CALCRL: variants seen among roughly 807,000 people sequenced by gnomAD.
CALCRL encodes calcitonin gene-related peptide type 1 receptor.
In CALCRL, 27 loss-of-function variants were observed where a neutral mutation model predicts 60.4. The observed-to-expected ratio is 0.45, with a 90% confidence interval of 0.33 to 0.62. CALCRL has a LOEUF of 0.62. Ranked by LOEUF, CALCRL falls within the 20% of genes least tolerant of loss-of-function variation. The pLI is 0.03. For missense variants in CALCRL, 424 were observed against 540.7 expected (o/e 0.78, Z 2.14); for synonymous variants, 190 against 182.6 (o/e 1.04, Z -0.33).
chr2:187,370,320 C>A (rs899414893), intron 8 of CALCRL, among the ~76,000 whole-genome samples: 1 of 151,704 alleles, frequency 6.6e-6, no homozygotes, highest in Non-Finnish European at 1.5e-5. Flanking sequence ...TAATGGAAAA[C>A]CTGATTGTAA....
chr2:187,389,197 C>T (rs1688331226), intron 1 of CALCRL, among the ~76,000 whole-genome samples: 1 of 151,520 alleles, frequency 6.6e-6, no homozygotes, highest in Non-Finnish European at 1.5e-5. Flanking sequence ...CTCAGTCTCT[C>T]GAATAACTGG....
chr2:187,374,605 T>C (rs1260512965), intron 8 of CALCRL, among the ~76,000 whole-genome samples: 1 of 152,158 alleles, frequency 6.6e-6, no homozygotes, highest in Non-Finnish European at 1.5e-5. Context: ...CCTTTCTCAG[T>C]GTTCCCCAGG....
At chr2:187,378,055 CAAG>C (rs1445711894) in intron 8 of CALCRL, among the ~76,000 whole-genome samples, 3 of 144,436 alleles carry the variant, frequency 2.1e-5, no homozygotes, top group Admixed American at 7.0e-5. Flanking sequence ...AAAAGAAGAA[CAAG>C]AAGAAGGAGA....
At chr2:187,433,033 T>A (rs768630276) in intron 1 of CALCRL, among the ~76,000 whole-genome samples, 13 of 152,096 alleles carry the variant, frequency 8.5e-5, no homozygotes, top group African/African-American at 1.2e-4. Flanking sequence ...CAAACTTGCC[T>A]AATGACACAT....
chr2:187,367,827 TTTTTA>T (rs1687361754), intron 8 of CALCRL, among the ~76,000 whole-genome samples: 1 of 152,088 alleles, frequency 6.6e-6, no homozygotes, highest in Non-Finnish European at 1.5e-5. Context: ...TATTTCATAT[TTTTTA>T]CATATAATTA....
chr2:187,400,175 A>G (rs1287434930), intron 1 of CALCRL, among the ~76,000 whole-genome samples: 1 of 151,514 alleles, frequency 6.6e-6, no homozygotes, highest in Non-Finnish European at 1.5e-5. Flanking sequence ...TACACATTGT[A>G]TGTATTGAAA....
intron 1 of CALCRL, among the ~76,000 whole-genome samples, chr2:187,420,716 T>C (rs1000156592): frequency 6.6e-6 from 1 of 152,144 alleles, no homozygotes; most frequent in Admixed American, 6.5e-5. Context: ...AGAGTAGAGG[T>C]GTAGGGAACA....
chr2:187,404,955 G>A (rs888849312), intron 1 of CALCRL, among the ~76,000 whole-genome samples: 2 of 151,904 alleles, frequency 1.3e-5, no homozygotes, highest in Non-Finnish European at 1.5e-5. Context: ...GGTTTCACAC[G>A]GAGCGACTCT....
chr2:187,417,975 C>T (rs1689691360), intron 1 of CALCRL, among the ~76,000 whole-genome samples: 1 of 152,164 alleles, frequency 6.6e-6, no homozygotes, highest in Non-Finnish European at 1.5e-5. Flanking sequence ...ATATCGCCTA[C>T]ATTTTCATTA....
intron 8 of CALCRL, among the ~76,000 whole-genome samples, chr2:187,375,915 A>C (rs898634323): frequency 1.1e-4 from 17 of 152,340 alleles, no homozygotes; most frequent in Admixed American, 1.0e-3. Context: ...TACAGATATA[A>C]AAATATTGAA....
intron 1 of CALCRL, among the ~76,000 whole-genome samples, chr2:187,414,821 C>T (rs1369276478): frequency 6.6e-6 from 1 of 151,846 alleles, no homozygotes; most frequent in African/African-American, 2.4e-5. Context: ...CACATCATCC[C>T]AAATTTACTA....
intron 1 of CALCRL, among the ~76,000 whole-genome samples, chr2:187,425,664 C>T (rs930700284): frequency 4.6e-5 from 7 of 151,856 alleles, no homozygotes; most frequent in African/African-American, 1.2e-4. Flanking sequence ...TATTGATAAA[C>T]GTATTTTAAG....
intron 1 of CALCRL, among the ~76,000 whole-genome samples, chr2:187,394,528 A>T (rs1402368656): frequency 1.3e-5 from 2 of 152,076 alleles, no homozygotes; most frequent in Non-Finnish European, 2.9e-5. Flanking sequence ...ATCAAACCAA[A>T]GTAGTAACTC....
At position 187,378,987 on chromosome 2, in the gene CALCRL, C is replaced by A; in HGVS notation, c.453G>T (p.Leu151Phe). 1 of 1,608,080 alleles carries A rather than the reference C, an allele frequency of 6.2e-7. No individual in the cohort carries two copies. The highest frequency in any genetic ancestry group is 2.2e-5 in the East Asian group (1 of 44,720). The change falls in exon 8 of 15, where the codon TTG becomes TTT. Residue 151 changes from leucine (L) to phenylalanine (F), a missense_variant. Physicochemically the swap from Leu to Phe is conservative, Grantham distance 22. Coordinates refer to ENST00000392370, the MANE Select transcript of CALCRL (RefSeq NM_005795.6). ...LFYLTIIGHGLSIASLLISLG... is the reference protein window; with the variant it reads ...LFYLTIIGHGFSIASLLISLG... ...GCGAGATAAGCAGTGATGCAATAGA[C>A]AATCCGTGTCCAATTATGGTCAGGT...
intron 1 of CALCRL, among the ~76,000 whole-genome samples, chr2:187,392,730 A>C: frequency 6.6e-6 from 1 of 152,086 alleles, no homozygotes; most frequent in African/African-American, 2.4e-5. Flanking sequence ...TTTTAGAGAC[A>C]GGATGTCACT....
chr2:187,355,111 A>C (rs1686713504), intron 12 of CALCRL, among the ~76,000 whole-genome samples: 1 of 152,106 alleles, frequency 6.6e-6, no homozygotes, highest in Non-Finnish European at 1.5e-5. Flanking sequence ...CTTAACAGAA[A>C]GCATCTCATT....
intron 14 of CALCRL, 59 bp from the exon 15 acceptor site, chr2:187,346,458 A>C: frequency 8.1e-7 from 1 of 1,234,030 alleles, no homozygotes; most frequent in Non-Finnish European, 1.1e-6. Context: ...AAATGAAGAC[A>C]CTGTTTTTGA....
At chr2:187,445,003 T>G (rs186100907) in intron 1 of CALCRL, among the ~76,000 whole-genome samples, 4 of 151,682 alleles carry the variant, frequency 2.6e-5, no homozygotes, top group African/African-American at 7.2e-5. Flanking sequence ...TTGAAATAAT[T>G]TGTAATCCAG....
chr2:187,418,778 A>T (rs368925743), intron 1 of CALCRL, among the ~76,000 whole-genome samples: 2 of 151,194 alleles, frequency 1.3e-5, no homozygotes, highest in African/African-American at 4.9e-5. Flanking sequence ...CTTTATCTTT[A>T]TTCAGCTTTT....
Sources: allele counts gnomAD v4.1 joint callset (sites outside exome capture counted in the v4.1 genomes callset), GRCh38; gene constraint gnomAD v4.1.1; transcripts MANE v1.5; gene names NCBI Gene and HGNC (gene_info 2026-07-23, HGNC 2026-07-21).